The following HELZ variants were observed in gnomAD, a reference collection of about 807,000 sequenced individuals.
The protein encoded by HELZ is helicase with zinc finger.
Under a neutral mutation model 218.2 loss-of-function variants are expected in HELZ, and 23 were observed. The ratio of observed to expected loss-of-function variants is 0.11; its 90% CI spans 0.08 to 0.15. The LOEUF is 0.15. HELZ is among the 10% of genes least tolerant of loss of function. The pLI is 1.00. For missense variants in HELZ, 1,813 were observed against 2,353.7 expected, an observed-to-expected ratio of 0.77 and a Z score of 4.75; for synonymous variants, 814 against 829.4, an observed-to-expected ratio of 0.98 and a Z score of 0.32.
chr17:67,235,996 C>G (rs906895883), intron 3 of HELZ, among the ~76,000 whole-genome samples: 85 of 152,038 alleles, frequency 5.6e-4, no homozygotes, highest in African/African-American at 1.7e-3. Flanking sequence ...TCCTGACCTC[C>G]TGATCCGCCC....
At position 67,120,493 on chromosome 17, in the gene HELZ, A is replaced by T. The variant is rs1362002241; in HGVS notation, c.3750T>A (p.Pro1250=). The T allele has an allele frequency of 6.2e-7, 1 of 1,613,936 alleles. No individual in the cohort carries two copies. The highest frequency in any genetic ancestry group is 8.5e-7 in the Non-Finnish European group (1 of 1,179,910). The part of the protein sequence containing the change: ...LQTHGRGSPI[P]YGLGHHPPVT... ...CAGGTGGGTGATGTCCAAGGCCATA[A>T]GGAATAGGAGATCCTCGTCCATGTG... The change falls in exon 27 of 33, where the codon CCT becomes CCA. Residue 1250 remains proline, a synonymous_variant. Coordinates refer to ENST00000358691, the MANE Select transcript of HELZ (RefSeq NM_014877.4).
chr17:67,093,033 C>T (rs2036622129), intron 31 of HELZ, among the ~76,000 whole-genome samples: 1 of 151,866 alleles, frequency 6.6e-6, no homozygotes, highest in Non-Finnish European at 1.5e-5. Context: ...AAAGATAGTC[C>T]CAGATGAACA....
At chr17:67,110,205 T>C (rs1249453098) in intron 28 of HELZ, among the ~76,000 whole-genome samples, 3 of 152,024 alleles carry the variant, frequency 2.0e-5, no homozygotes, top group Non-Finnish European at 4.4e-5. Flanking sequence ...GTAGCTGGGA[T>C]TACAGGCATG....
At chr17:67,146,333 G>T (rs1386557075) in intron 20 of HELZ, among the ~76,000 whole-genome samples, 1 of 152,084 alleles carries the variant, frequency 6.6e-6, no homozygotes, top group Non-Finnish European at 1.5e-5. Flanking sequence ...TCCATGTTTA[G>T]ATATACAAAT....
At chr17:67,209,521 C>A (rs942648182) in intron 5 of HELZ, among the ~76,000 whole-genome samples, 2 of 152,138 alleles carry the variant, frequency 1.3e-5, no homozygotes, top group African/African-American at 4.8e-5. Context: ...TCGCTTGAAC[C>A]CAGAAGGCAG....
chr17:67,083,457 T>C (rs916868570), intron 32 of HELZ, among the ~76,000 whole-genome samples: 1 of 152,046 alleles, frequency 6.6e-6, no homozygotes, highest in African/African-American at 2.4e-5. Flanking sequence ...CTGGCCAACA[T>C]GGTGAAACCC....
chr17:67,184,610 G>C (rs1359844176), intron 12 of HELZ, among the ~76,000 whole-genome samples: 4 of 152,050 alleles, frequency 2.6e-5, no homozygotes, highest in Admixed American at 2.6e-4. Context: ...ACCAGCCTGA[G>C]CAACACAGAG....
intron 31 of HELZ, among the ~76,000 whole-genome samples, chr17:67,090,677 T>G (rs533197320): frequency 6.6e-6 from 1 of 152,278 alleles, no homozygotes; most frequent in Non-Finnish European, 1.5e-5. Flanking sequence ...GAGTTGTTTG[T>G]AGTGCTCCCT....
chr17:67,086,817 A>G lies in HELZ; in HGVS notation c.5494+12T>C. ...GAGTACAGATTAGTTTTAGCCACCA[A>G]CTCTGTCTTACCTATCAACTCTCTG... is the stretch of plus-strand genomic sequence containing the variant. On this transcript the variant is annotated intron_variant, in intron 32 of 32. Transcript: ENST00000358691. The G allele has an allele frequency of 6.2e-7, 1 of 1,612,746 alleles. No homozygotes were observed. The highest frequency in any genetic ancestry group is 8.5e-7 in the Non-Finnish European group (1 of 1,179,326).
intron 31 of HELZ, among the ~76,000 whole-genome samples, chr17:67,087,851 C>A (rs1412078619): frequency 1.3e-5 from 2 of 152,182 alleles, no homozygotes; most frequent in Non-Finnish European, 2.9e-5. Flanking sequence ...TACCCAAGTG[C>A]TGTTCAATTT....
Position 67,193,957 on chromosome 17 carries a change from T to A in HELZ, c.557+10A>T, listed in dbSNP as rs1415587211. 3 of 1,610,502 alleles carry A rather than the reference T, an allele frequency of 1.9e-6. No individual in the cohort carries two copies. Among genetic ancestry groups the A allele is most frequent in the Non-Finnish European group, 2.5e-6 (3 of 1,177,646 alleles). ...ATGTCATTGTTTAAAAACAAAAAAATTCACATTACCTTTTACACAAAGTAT... is the reference window on the plus strand; with the variant it reads ...ATGTCATTGTTTAAAAACAAAAAAAATCACATTACCTTTTACACAAAGTAT... On this transcript the variant is annotated intron_variant, in intron 9 of 32. Transcript: ENST00000358691.
chr17:67,207,142 C>T (rs2040322994), intron 5 of HELZ, among the ~76,000 whole-genome samples: 1 of 150,554 alleles, frequency 6.6e-6, no homozygotes, highest in African/African-American at 2.4e-5. Context: ...GAACTCCTGA[C>T]CTCAAGTGAT....
intron 5 of HELZ, among the ~76,000 whole-genome samples, chr17:67,213,110 G>A (rs2040500384): frequency 1.3e-5 from 2 of 152,162 alleles, no homozygotes; most frequent in African/African-American, 4.8e-5. Flanking sequence ...CTAAGTCACT[G>A]AACTTTCTAA....
chr17:67,155,123 A>G (rs2038801035), intron 17 of HELZ, among the ~76,000 whole-genome samples: 1 of 152,242 alleles, frequency 6.6e-6, no homozygotes, highest in South Asian at 2.1e-4. Flanking sequence ...GGTTGAAAGC[A>G]CTAGTTAAGT....
intron 3 of HELZ, among the ~76,000 whole-genome samples, chr17:67,231,223 G>C (rs931173726): frequency 2.0e-5 from 3 of 152,190 alleles, no homozygotes; most frequent in Non-Finnish European, 4.4e-5. Context: ...ATTCTGGATA[G>C]ATTCTGGAAC....
At position 67,242,434 on chromosome 17, in the gene HELZ, AAATCT is replaced by A. The variant is rs58794430; in HGVS notation, c.-76+1345_-76+1349del. On this transcript the variant is annotated intron_variant, in intron 2 of 32. Coordinates refer to ENST00000358691, the MANE Select transcript of HELZ (RefSeq NM_014877.4). ...TCTCAAAAAAAAAAAAAAAGAAAAAAAATCTATCTATCTATATACATAGATACACA... is the reference window on the plus strand; with the variant it reads ...TCTCAAAAAAAAAAAAAAAGAAAAAAATCTATCTATATACATAGATACACA... 4.1e-3 allele frequency among the ~76,000 whole-genome samples: 620 copies of A among 149,754 alleles called. 34 individuals are homozygous for A. Among genetic ancestry groups the A allele is most frequent in the African/African-American group, 0.015 (593 of 39,752 alleles).
At chr17:67,196,624 G>A (rs1009817958) in intron 7 of HELZ, among the ~76,000 whole-genome samples, 2 of 149,980 alleles carry the variant, frequency 1.3e-5, no homozygotes, top group Admixed American at 6.6e-5. Context: ...GTGGGTGGAT[G>A]GGAACATGGG....
chr17:67,125,351 T>A (rs1423104915), intron 24 of HELZ, among the ~76,000 whole-genome samples: 1 of 98,164 alleles, frequency 1.0e-5, no homozygotes, highest in Admixed American at 1.1e-4. Flanking sequence ...TATATACTTG[T>A]GAGGAATAGA....
At chr17:67,184,568 G>A (rs1242525623) in intron 12 of HELZ, among the ~76,000 whole-genome samples, 4 of 152,138 alleles carry the variant, frequency 2.6e-5, no homozygotes, top group South Asian at 2.1e-4. Flanking sequence ...GGAGGCTGAG[G>A]TAGAAGGATC....
Sources: allele counts gnomAD v4.1 joint callset (sites outside exome capture counted in the v4.1 genomes callset), GRCh38; gene constraint gnomAD v4.1.1; transcripts MANE v1.5; gene names NCBI Gene and HGNC (gene_info 2026-07-23, HGNC 2026-07-21).